The following PPP6R3 variants were observed in gnomAD, a reference collection of about 807,000 sequenced individuals.
PPP6R3 encodes the protein protein phosphatase 6 regulatory subunit 3.
In PPP6R3, 38 loss-of-function variants were observed where a neutral mutation model predicts 110.7. The ratio of observed to expected loss-of-function variants is 0.34; its 90% CI spans 0.26 to 0.45. PPP6R3 has a LOEUF of 0.45. PPP6R3 is among the 20% of genes least tolerant of loss of function. PPP6R3 has a pLI of 1.00. For missense variants in PPP6R3, 870 were observed against 1,062.4 expected (o/e 0.82, Z 2.52); for synonymous variants, 369 against 373.5 (o/e 0.99, Z 0.14).
chr11:68,614,205 T>A lies in PPP6R3; in HGVS notation c.*1088T>A. 2.0e-6 allele frequency: 2 copies of A among 988,520 alleles called. No individual in the cohort carries two copies. Among genetic ancestry groups the A allele is most frequent in the Non-Finnish European group, 2.4e-6 (2 of 831,858 alleles). The allele number at this position is 988,520 out of a possible 1,614,324, so 61.2% of individuals were successfully genotyped here. A position where few individuals can be genotyped will look rare whatever the true frequency, so the allele number is the denominator to read the frequency against. On this transcript the variant is annotated 3_prime_UTR_variant, in exon 24 of 24. Transcript: ENST00000393800. The stretch of plus-strand genomic sequence containing the variant: ...CTGTACCTTGTGAGGTTTTCACTCA[T>A]AAATTTAAACCAGTGTATTTTTTTA...
chr11:68,613,283 T>C lies in PPP6R3; in HGVS notation c.*166T>C. On this transcript the variant is annotated 3_prime_UTR_variant, in exon 24 of 24. Coordinates refer to ENST00000393800, the MANE Select transcript of PPP6R3 (RefSeq NM_001164161.2). ...GATTCTAAGACATTGTACAGAGAAA[T>C]TCAGAAGTGTAAAAATATTGCACAT... 1 of 1,360,090 alleles carries C rather than the reference T, an allele frequency of 7.4e-7. No homozygotes were observed. The highest frequency in any genetic ancestry group is 9.4e-7 in the Non-Finnish European group (1 of 1,058,962). 84.3% of individuals were successfully genotyped at this position (1,360,090 alleles called of 1,614,324 possible).
At chr11:68,514,271 G>A (rs1347587677) in intron 1 of PPP6R3, among the ~76,000 whole-genome samples, 2 of 152,018 alleles carry the variant, frequency 1.3e-5, no homozygotes, top group Non-Finnish European at 2.9e-5. Context: ...GGATCTCACT[G>A]TGTTGCCCAG....
chr11:68,464,250 G>A (rs542829225), intron 1 of PPP6R3, among the ~76,000 whole-genome samples: 48 of 152,162 alleles, frequency 3.2e-4, no homozygotes, highest in African/African-American at 1.1e-3. Flanking sequence ...CTCTGCCTCA[G>A]CCTCCCTAGT....
In PPP6R3 at chr11:68,600,480, C is replaced by T; in HGVS notation, c.2178C>T (p.Phe726=). The part of the protein sequence containing the change: ...KETGWASFSE[F]TSSLSTKDSL... ...CGGGCTGGGCTTCTTTTTCAGAGTT[C>T]ACGTCTTCCCTGAGGTGAGCGAACA... The change falls in exon 20 of 24, where the codon TTC becomes TTT. Residue 726 remains phenylalanine, a synonymous_variant. Coordinates refer to ENST00000393800, the MANE Select transcript of PPP6R3 (RefSeq NM_001164161.2). 6.2e-7 allele frequency: 1 copy of T among 1,613,862 alleles called. No individual in the cohort carries two copies. Among genetic ancestry groups the T allele is most frequent in the South Asian group, 1.1e-5 (1 of 91,070 alleles).
intron 1 of PPP6R3, among the ~76,000 whole-genome samples, chr11:68,506,600 T>C (rs1435897315): frequency 3.9e-5 from 6 of 152,130 alleles, no homozygotes; most frequent in African/African-American, 1.2e-4. Flanking sequence ...GGAAATTCTC[T>C]TTGTGATTTT....
At chr11:68,548,262 C>T in intron 5 of PPP6R3, 58 bp downstream of exon 5, 1 of 1,593,950 alleles carries the variant, frequency 6.3e-7, no homozygotes, top group East Asian at 2.3e-5. Context: ...TGTGAGCCCA[C>T]CAGGCTGCTG....
chr11:68,603,373 TGACGGAGAG>T lies in PPP6R3; in HGVS notation c.2334_2342del (p.Asp778_Glu780del). ...GCAGTGTGGCCATGGAAGCCAGCTC[TGACGGAGAG>T]GAGGATGCAGAAAGTACAGACAAGG... On this transcript the variant is annotated inframe_deletion, in exon 22 of 24. Transcript: ENST00000393800. 1 of 1,614,032 alleles carries T rather than the reference TGACGGAGAG, an allele frequency of 6.2e-7. No individual in the cohort carries two copies. Among genetic ancestry groups the T allele is most frequent in the Non-Finnish European group, 8.5e-7 (1 of 1,180,010 alleles).
chr11:68,546,285 C>A (rs1222345242), intron 4 of PPP6R3, among the ~76,000 whole-genome samples: 1 of 152,166 alleles, frequency 6.6e-6, no homozygotes, highest in Non-Finnish European at 1.5e-5. Context: ...GCCATCCTAT[C>A]ACCCTGATAT....
intron 1 of PPP6R3, among the ~76,000 whole-genome samples, chr11:68,517,558 T>C (rs1015821723): frequency 2.0e-5 from 3 of 152,120 alleles, no homozygotes; most frequent in African/African-American, 7.2e-5. Flanking sequence ...AAGGAAGTGC[T>C]TGAGAACTAT....
Position 68,601,947 on chromosome 11 carries a change from T to C in PPP6R3, c.2277T>C (p.Ala759=), listed in dbSNP as rs760914064. Residue 759 remains alanine (A), a synonymous_variant, in exon 21 of 24, where the codon GCT becomes GCC. Coordinates refer to ENST00000393800, the MANE Select transcript of PPP6R3 (RefSeq NM_001164161.2). The stretch of plus-strand genomic sequence containing the variant: ...TGGACCCTCTGACTCCCAGTGCGGC[T>C]GCCCTGGCAGTGCAGCCAGAAGGTG... The part of the protein sequence containing the change: ...EPMDPLTPSA[A]ALAVQPEAAG... 1 of 1,613,100 alleles carries C rather than the reference T, an allele frequency of 6.2e-7. No homozygotes were observed. Among genetic ancestry groups the C allele is most frequent in the Non-Finnish European group, 8.5e-7 (1 of 1,179,570 alleles).
At chr11:68,525,953 GTTAGTATAGAATTCCCT>G (rs2099195047) in intron 2 of PPP6R3, among the ~76,000 whole-genome samples, 1 of 152,142 alleles carries the variant, frequency 6.6e-6, no homozygotes, top group African/African-American at 2.4e-5. Flanking sequence ...CCTTCACCAC[GTTAGTATAGAATTCCCT>G]TTCTAGCCAA....
Position 68,614,424 on chromosome 11 carries a change from T to G in PPP6R3, c.*1307T>G. ...TTTTAGATGCAAATCAGTTTTTCAT[T>G]TCTGTAATAGAAAATTATTCACGTA... On this transcript the variant is annotated 3_prime_UTR_variant, in exon 24 of 24. Coordinates refer to ENST00000393800, the MANE Select transcript of PPP6R3 (RefSeq NM_001164161.2). The G allele has an allele frequency of 7.6e-7, 1 of 1,318,176 alleles. No homozygotes were observed. The highest frequency in any genetic ancestry group is 1.9e-5 in the South Asian group (1 of 53,186). 81.7% of individuals were successfully genotyped at this position (1,318,176 alleles called of 1,614,324 possible).
intron 1 of PPP6R3, among the ~76,000 whole-genome samples, chr11:68,462,542 TA>T (rs35929269): frequency 0.39 from 59,163 of 152,026 alleles, 12,774 homozygotes; most frequent in African/African-American, 0.57. Flanking sequence ...TTTCTTAGTG[TA>T]AGTCCTCCTT....
chr11:68,607,520 G>C (rs1167228599), intron 22 of PPP6R3, among the ~76,000 whole-genome samples: 1 of 152,218 alleles, frequency 6.6e-6, no homozygotes, highest in Non-Finnish European at 1.5e-5. Context: ...GTAGCTCATG[G>C]ATTATTCTTA....
chr11:68,551,608 C>G (rs937915935), intron 6 of PPP6R3, among the ~76,000 whole-genome samples: 3 of 152,172 alleles, frequency 2.0e-5, no homozygotes, highest in Non-Finnish European at 2.9e-5. Flanking sequence ...TCTGCCTCAG[C>G]TTCCCGAGTA....
intron 10 of PPP6R3, 148 bp downstream of exon 10, chr11:68,567,314 G>A: frequency 2.3e-6 from 2 of 880,152 alleles, no homozygotes; most frequent in Non-Finnish European, 1.6e-6. Context: ...TTTGCCTTGA[G>A]TTTATTATAA....
intron 1 of PPP6R3, among the ~76,000 whole-genome samples, chr11:68,466,411 C>G (rs2098745555): frequency 6.7e-6 from 1 of 149,568 alleles, no homozygotes; most frequent in African/African-American, 2.5e-5. Context: ...TATCTTATCT[C>G]TATGCCTAGC....
At chr11:68,587,864 C>A in intron 15 of PPP6R3, 63 bp from the exon 16 acceptor site, 1 of 1,338,102 alleles carries the variant, frequency 7.5e-7, no homozygotes, top group Non-Finnish European at 1.1e-6. Flanking sequence ...CACAAATGGG[C>A]AAATAGTATG....
chr11:68,590,721 A>G lies in PPP6R3; in HGVS notation c.1785+7A>G, dbSNP rs1048032761. The stretch of plus-strand genomic sequence containing the variant: ...TCTCAATACAAATGAAAGTGTAAGT[A>G]TAAACTCTGTTGTGAGCAGTGTGGC... On this transcript the variant is annotated splice_region_variant and intron_variant, in intron 17 of 23. Coordinates refer to ENST00000393800, the MANE Select transcript of PPP6R3 (RefSeq NM_001164161.2). The G allele has an allele frequency of 2.5e-6, 4 of 1,587,682 alleles. No individual in the cohort carries two copies. Among genetic ancestry groups the G allele is most frequent in the Non-Finnish European group, 3.4e-6 (4 of 1,161,636 alleles).
Sources: allele counts gnomAD v4.1 joint callset (sites outside exome capture counted in the v4.1 genomes callset), GRCh38; gene constraint gnomAD v4.1.1; transcripts MANE v1.5; gene names NCBI Gene and HGNC (gene_info 2026-07-23, HGNC 2026-07-21).